PCDH15: variants seen among roughly 807,000 people sequenced by gnomAD.
PCDH15 encodes the protein protocadherin related 15.
Under a neutral mutation model 178.5 loss-of-function variants are expected in PCDH15, and 129 were observed. The observed-to-expected ratio is 0.72, with a 90% CI of 0.63 to 0.84. The LOEUF (loss-of-function observed/expected upper bound fraction) is 0.84, where lower values mean the gene tolerates loss of function less well. Ranked by LOEUF, PCDH15 falls within the 40% of genes least tolerant of loss-of-function variation. PCDH15 has a pLI of 0.00. For synonymous variants in PCDH15, 800 were observed against 732.0 expected (o/e 1.09, Z -1.50); for missense variants, 2,230 against 2,099.9 (o/e 1.06, Z -1.21).
At chr10:54,584,231 C>G (rs888716541) in intron 2 of PCDH15, among the ~76,000 whole-genome samples, 5 of 151,928 alleles carry the variant, frequency 3.3e-5, no homozygotes, top group Admixed American at 1.3e-4. Context: ...AAAAGGAAAA[C>G]AATGAAAATA....
chr10:53,877,705 G>T (rs1428445698), intron 26 of PCDH15, among the ~76,000 whole-genome samples: 1 of 151,962 alleles, frequency 6.6e-6, no homozygotes, highest in Non-Finnish European at 1.5e-5. Flanking sequence ...CATAGGAAGG[G>T]CAACACCATC....
chr10:55,274,305 A>G (rs915859320), intron 1 of PCDH15, among the ~76,000 whole-genome samples: 3 of 152,130 alleles, frequency 2.0e-5, no homozygotes, highest in Admixed American at 1.3e-4. Flanking sequence ...GATAGTGAAT[A>G]CTGCCTAAAT....
chr10:54,545,893 G>T (rs1218398260), intron 2 of PCDH15, among the ~76,000 whole-genome samples: 1 of 152,152 alleles, frequency 6.6e-6, no homozygotes, highest in African/African-American at 2.4e-5. Flanking sequence ...ACTCATTTGC[G>T]GATAGGGTCT....
intron 11 of PCDH15, among the ~76,000 whole-genome samples, chr10:54,190,037 A>G (rs1438675870): frequency 6.6e-6 from 1 of 151,494 alleles, no homozygotes; most frequent in Non-Finnish European, 1.5e-5. Context: ...TCTTTTCAGT[A>G]TTACTGTGGC....
chr10:55,611,335 A>T (rs972359597), intron 2 of PCDH15, among the ~76,000 whole-genome samples: 1 of 151,994 alleles, frequency 6.6e-6, no homozygotes, highest in Non-Finnish European at 1.5e-5. Context: ...TAACCCTGTT[A>T]AAAAAATGGG....
chr10:53,837,558 C>T (rs2077379273), intron 29 of PCDH15, among the ~76,000 whole-genome samples: 1 of 152,070 alleles, frequency 6.6e-6, no homozygotes, highest in Non-Finnish European at 1.5e-5. Context: ...AATCCTTTGA[C>T]CTGAGCATTC....
At chr10:54,729,477 C>G (rs1943044547) in intron 1 of PCDH15, among the ~76,000 whole-genome samples, 1 of 151,542 alleles carries the variant, frequency 6.6e-6, no homozygotes, top group South Asian at 2.1e-4. Context: ...CTAGAAAATA[C>G]TAGACATTGT....
At chr10:55,295,874 CACA>C (rs1311390533) in intron 1 of PCDH15, among the ~76,000 whole-genome samples, 2 of 152,040 alleles carry the variant, frequency 1.3e-5, no homozygotes, top group Admixed American at 6.6e-5. Context: ...GGCTCAGCCT[CACA>C]ACATTTCCCC....
At chr10:55,037,281 T>C (rs934293976) in intron 2 of PCDH15, among the ~76,000 whole-genome samples, 1 of 152,184 alleles carries the variant, frequency 6.6e-6, no homozygotes, top group Non-Finnish European at 1.5e-5. Flanking sequence ...TTGCCCAGGC[T>C]GGAGTGCAGT....
At position 55,348,850 on chromosome 10, in the gene PCDH15, T is replaced by C. The variant is rs114038279; in HGVS notation, c.-155-182199A>G. Among the ~76,000 whole-genome samples, 235 of 152,246 alleles carry C rather than the reference T, an allele frequency of 1.5e-3. 2 individuals carry two copies. Among genetic ancestry groups the C allele is most frequent in the African/African-American group, 5.5e-3 (227 of 41,556 alleles). ...TCCATGCTGCATCTTTGAAGTCCTT[T>C]AAAGGATTTTGGATTATACAATGAA... On this transcript the variant is annotated intron_variant, in intron 2 of 5. Transcript: ENST00000613346.
intron 2 of PCDH15, among the ~76,000 whole-genome samples, chr10:55,060,221 G>C (rs1264850433): frequency 6.6e-6 from 1 of 151,932 alleles, no homozygotes; most frequent in Non-Finnish European, 1.5e-5. Flanking sequence ...TCTGGGCAAG[G>C]AGGGTTAACC....
chr10:54,009,191 A>G (rs2092487268), intron 20 of PCDH15, among the ~76,000 whole-genome samples: 1 of 152,196 alleles, frequency 6.6e-6, no homozygotes, highest in Non-Finnish European at 1.5e-5. Flanking sequence ...TCCTATTTCC[A>G]AAGAAAATTT....
chr10:54,865,119 G>A (rs187963760), intron 3 of PCDH15, among the ~76,000 whole-genome samples: 12 of 152,208 alleles, frequency 7.9e-5, no homozygotes, highest in East Asian at 3.9e-4. Context: ...GTATGTCTGC[G>A]AGGGTGTTGC....
intron 11 of PCDH15, among the ~76,000 whole-genome samples, chr10:54,194,726 A>G (rs2049418202): frequency 1.5e-5 from 2 of 137,614 alleles, no homozygotes; most frequent in African/African-American, 6.6e-5. Context: ...GTATATGTCT[A>G]TCTATCTATC....
intron 2 of PCDH15, among the ~76,000 whole-genome samples, chr10:54,981,425 T>C (rs993351920): frequency 1.3e-5 from 2 of 152,120 alleles, no homozygotes; most frequent in Non-Finnish European, 2.9e-5. Context: ...TATAAGGAGG[T>C]ATTATTGGCT....
At chr10:55,247,783 C>T (rs1197502597) in intron 1 of PCDH15, 3 of 151,360 alleles carry the variant, frequency 2.0e-5, no homozygotes, top group Non-Finnish European at 1.5e-5. Context: ...CAGGCGTAGT[C>T]CCAGCTACTT....
intron 1 of PCDH15, among the ~76,000 whole-genome samples, chr10:54,734,152 AAT>A (rs1943768845): frequency 6.6e-6 from 1 of 151,874 alleles, no homozygotes; most frequent in South Asian, 2.1e-4. Context: ...GATTAGAAAA[AAT>A]ATGTATTTGT....
intron 2 of PCDH15, among the ~76,000 whole-genome samples, chr10:55,359,768 A>C (rs2131977046): frequency 6.8e-6 from 1 of 147,754 alleles, no homozygotes; most frequent in East Asian, 2.0e-4. Flanking sequence ...ACACACACAC[A>C]CACATATATA....
intron 25 of PCDH15, among the ~76,000 whole-genome samples, chr10:53,919,520 T>C (rs150448103): frequency 5.3e-5 from 8 of 152,316 alleles, no homozygotes; most frequent in African/African-American, 1.4e-4. Context: ...GTAATAACAT[T>C]GTACATATTA....
Sources: allele counts gnomAD v4.1 joint callset (sites outside exome capture counted in the v4.1 genomes callset), GRCh38; gene constraint gnomAD v4.1.1; transcripts MANE v1.5; gene names NCBI Gene and HGNC (gene_info 2026-07-23, HGNC 2026-07-21).